The following CMIP variants were observed in gnomAD, a reference collection of about 807,000 sequenced individuals.
The protein encoded by CMIP is C-Maf-inducing protein.
A neutral mutation model predicts 97.3 loss-of-function variants in CMIP; 13 were observed. The observed-to-expected ratio is 0.13, with a 90% CI of 0.09 to 0.21. CMIP has a LOEUF of 0.21. Ranked by LOEUF, CMIP falls within the 10% of genes least tolerant of loss-of-function variation. The probability of loss-of-function intolerance (pLI) is 1.00; values close to 1 mark genes in which losing one functional copy is unlikely to be tolerated. For synonymous variants in CMIP, 538 were observed against 436.3 expected (o/e 1.23, Z -2.91); for missense variants, 847 against 1,024.9 (o/e 0.83, Z 2.37).
chr16:81,582,497 G>A (rs2091312503), intron 1 of CMIP, among the ~76,000 whole-genome samples: 1 of 152,152 alleles, frequency 6.6e-6, no homozygotes, highest in Non-Finnish European at 1.5e-5. Context: ...CCAGTGGGCT[G>A]GGTTTTCAGT....
intron 1 of CMIP, among the ~76,000 whole-genome samples, chr16:81,456,206 A>G (rs1906534543): frequency 6.6e-6 from 1 of 152,248 alleles, no homozygotes; most frequent in Admixed American, 6.5e-5. Flanking sequence ...GCCCAGAGCC[A>G]GATGATAGTC....
At chr16:81,579,628 C>A (rs567925879) in intron 1 of CMIP, among the ~76,000 whole-genome samples, 1 of 151,896 alleles carries the variant, frequency 6.6e-6, no homozygotes, top group East Asian at 1.9e-4. Context: ...CTGCTCCCCC[C>A]TGAAGGCAAC....
rs926434492 is a variant in CMIP, at chr16:81,521,437, C to T, written c.300+75896C>T. Among the ~76,000 whole-genome samples the T allele has an allele frequency of 4.6e-5, 7 of 152,096 alleles. No individual in the cohort carries two copies. The East Asian group carries it at 7.7e-4, about 17-fold the overall frequency. The stretch of plus-strand genomic sequence containing the variant: ...CTGTCGTTCTGCTCTGTAGAACCAC[C>T]GGTGACCGCCAAGGTCGGCTGCCTC... On this transcript the variant is annotated intron_variant, in intron 1 of 20. Transcript: ENST00000537098.
chr16:81,470,877 C>A (rs777650161), intron 1 of CMIP, among the ~76,000 whole-genome samples: 1 of 152,248 alleles, frequency 6.6e-6, no homozygotes, highest in African/African-American at 2.4e-5. Context: ...CTCCTGAGAT[C>A]AGTACAAAAA....
chr16:81,565,830 T>C (rs902883465), intron 1 of CMIP, among the ~76,000 whole-genome samples: 4 of 152,244 alleles, frequency 2.6e-5, no homozygotes, highest in Non-Finnish European at 5.9e-5. Flanking sequence ...CGCCGCCTCC[T>C]TCAGGATGTG....
At chr16:81,500,213 T>C (rs2089572355) in intron 1 of CMIP, among the ~76,000 whole-genome samples, 2 of 152,096 alleles carry the variant, frequency 1.3e-5, no homozygotes, top group Non-Finnish European at 2.9e-5. Context: ...ACGATTCTTT[T>C]GGTGAATTTT....
chr16:81,517,141 T>A (rs116453879), intron 1 of CMIP, among the ~76,000 whole-genome samples: 91 of 151,930 alleles, frequency 6.0e-4, no homozygotes, highest in African/African-American at 2.1e-3. Flanking sequence ...CCAGACGGCC[T>A]CCAAGGTCAT....
In CMIP at chr16:81,445,254, A is replaced by G. The variant is rs1339507463; in HGVS notation, c.13A>G (p.Ser5Gly). ...CCCCGGCGCGGCCATGGATGTGACC[A>G]GCAGCTCGGGCGGCGGCGGCGACCC... MDVT[S>G]SSGGGGDPRQ... Residue 5 changes from serine (S) to glycine (G), a missense_variant, in exon 1 of 21, where the codon AGC becomes GGC. Around this residue, in one of 4 missense-constraint regions of CMIP, gnomAD observed 94 missense variants for 79.9 expected, o/e 1.18. Transcript: ENST00000537098. The G allele has an allele frequency of 7.1e-7, 1 of 1,408,366 alleles. No individual in the cohort carries two copies. The highest frequency in any genetic ancestry group is 1.5e-5 in the African/African-American group (1 of 67,578). 87.2% of individuals were successfully genotyped at this position (1,408,366 alleles called of 1,614,324 possible).
chr16:81,552,581 C>G (rs1051324009), intron 1 of CMIP, among the ~76,000 whole-genome samples: 5 of 152,208 alleles, frequency 3.3e-5, no homozygotes, highest in African/African-American at 1.2e-4. Flanking sequence ...ATCTCCCAGC[C>G]TCTCTCTGAC....
chr16:81,597,877 G>A (rs1373080696), intron 1 of CMIP, among the ~76,000 whole-genome samples: 1 of 152,104 alleles, frequency 6.6e-6, no homozygotes, highest in African/African-American at 2.4e-5. Context: ...TGATGGCTCT[G>A]TGATGGCAGA....
intron 10 of CMIP, among the ~76,000 whole-genome samples, chr16:81,684,348 G>T (rs563287826): frequency 6.6e-6 from 1 of 152,360 alleles, no homozygotes; most frequent in African/African-American, 2.4e-5. Context: ...GTCTGAATGT[G>T]CCCCCACAGG....
rs529618513 is a variant in CMIP at position 81,617,918 on chromosome 16, G to T, written c.427-2958G>T. The stretch of plus-strand genomic sequence containing the variant: ...TATACAGGGCACTTTGGCGGGGCCA[G>T]TGGACACAGAAGAGGGAGGGATGTG... On this transcript the variant is annotated intron_variant, in intron 2 of 20. Coordinates refer to ENST00000537098, the MANE Select transcript of CMIP (RefSeq NM_198390.3). 4.6e-5 allele frequency among the ~76,000 whole-genome samples: 7 copies of T among 152,356 alleles called. No homozygotes were observed. The South Asian group carries it at 1.4e-3, about 32-fold the overall frequency.
At chr16:81,557,758 C>A (rs1028595373) in intron 1 of CMIP, among the ~76,000 whole-genome samples, 2 of 152,142 alleles carry the variant, frequency 1.3e-5, no homozygotes, top group Admixed American at 1.3e-4. Flanking sequence ...AGATCAAGAA[C>A]CTGTCTCAAA....
intron 5 of CMIP, 105 bp downstream of exon 5, chr16:81,657,921 A>G (rs1418895768): frequency 1.1e-6 from 1 of 926,042 alleles, no homozygotes; most frequent in Non-Finnish European, 1.6e-6. Flanking sequence ...ATCCACCAGC[A>G]TCTGGCCTTG....
Position 81,590,399 on chromosome 16 carries a change from G to A in CMIP, c.301-17168G>A, listed in dbSNP as rs187895385. ...CACACTGGCTCATTCCCATGATTTC[G>A]GGAACAAGAGAGAGATGTGGGTCAC... On this transcript the variant is annotated intron_variant, in intron 1 of 20. Coordinates refer to ENST00000537098, the MANE Select transcript of CMIP (RefSeq NM_198390.3). 1.4e-3 allele frequency among the ~76,000 whole-genome samples: 217 copies of A among 152,270 alleles called. 1 individual carries two copies. Among genetic ancestry groups the A allele is most frequent in the Non-Finnish European group, 9.9e-4 (67 of 68,016 alleles).
intron 3 of CMIP, among the ~76,000 whole-genome samples, chr16:81,643,458 A>C (rs1435664588): frequency 2.6e-5 from 4 of 152,206 alleles, no homozygotes; most frequent in African/African-American, 9.7e-5. Context: ...GTGGTTACAC[A>C]ACACTGTGCT....
chr16:81,670,353 C>G (rs1293709528), intron 8 of CMIP, 108 bp downstream of exon 8: 4 of 1,191,242 alleles, frequency 3.4e-6, no homozygotes, highest in Non-Finnish European at 4.8e-6. Flanking sequence ...ATGAAGACTC[C>G]CTCTATGAGG....
At chr16:81,569,804 G>A (rs780702710) in intron 1 of CMIP, among the ~76,000 whole-genome samples, 1 of 152,198 alleles carries the variant, frequency 6.6e-6, no homozygotes, top group Non-Finnish European at 1.5e-5. Context: ...ACCTCTCTGA[G>A]ACTCGGTTTT....
intron 6 of CMIP, among the ~76,000 whole-genome samples, chr16:81,661,678 G>C (rs772364103): frequency 6.6e-6 from 1 of 152,196 alleles, no homozygotes; most frequent in Non-Finnish European, 1.5e-5. Context: ...CCAGCCTGTG[G>C]GGTGGAACAG....
Sources: gnomAD v4.1 joint callset for allele counts (sites outside exome capture counted in the v4.1 genomes callset) on GRCh38, gnomAD v4.1.1 for gene constraint, gnomAD v4.1.1 regional missense constraint, MANE v1.5 for transcripts, NCBI Gene and HGNC (gene_info 2026-07-23, HGNC 2026-07-21) for gene names.